RNF38: variants seen among roughly 807,000 people sequenced by gnomAD.
The protein encoded by RNF38 is E3 ubiquitin-protein ligase RNF38.
Under a neutral mutation model 67.2 loss-of-function variants are expected in RNF38, and 15 were observed. The ratio of observed to expected loss-of-function variants is 0.22; its 90% CI spans 0.15 to 0.34. The LOEUF (loss-of-function observed/expected upper bound fraction) is 0.34, where lower values mean the gene tolerates loss of function less well. Among genes scored for constraint, RNF38 ranks in the 10% least tolerant of loss-of-function variants. The probability of loss-of-function intolerance (pLI) is 1.00; values close to 1 mark genes in which losing one functional copy is unlikely to be tolerated. For synonymous variants in RNF38, 220 were observed against 218.8 expected (o/e 1.01, Z -0.05); for missense variants, 524 against 639.9 (o/e 0.82, Z 1.95).
chr9:36,380,786 C>T (rs910913246), intron 2 of RNF38, among the ~76,000 whole-genome samples: 5 of 152,168 alleles, frequency 3.3e-5, no homozygotes, highest in South Asian at 2.1e-4. Context: ...TGAGTCATTA[C>T]GCCTGGCTAA....
rs796297641 is a variant in RNF38, at chr9:36,358,362, C to T, written c.571-420G>A. 7.2e-5 allele frequency among the ~76,000 whole-genome samples: 11 copies of T among 152,232 alleles called. 1 individual carries two copies. The highest frequency in any genetic ancestry group is 2.6e-4 in the African/African-American group (11 of 41,522). ...TTTTAAAAAAATGAAATCTCATTTC[C>T]CGCCTAGCCAATCTTATTCCCATCC... is the stretch of plus-strand genomic sequence containing the variant. On this transcript the variant is annotated intron_variant, in intron 4 of 11. Transcript: ENST00000259605.
intron 4 of RNF38, among the ~76,000 whole-genome samples, chr9:36,365,598 ACT>A: frequency 6.6e-6 from 1 of 150,912 alleles, no homozygotes; most frequent in Admixed American, 6.6e-5. Context: ...TTTTCTTTAA[ACT>A]CTCTCAATAA....
chr9:36,366,113 T>C (rs1313081352), intron 4 of RNF38, among the ~76,000 whole-genome samples: 2 of 152,136 alleles, frequency 1.3e-5, no homozygotes, highest in African/African-American at 2.4e-5. Flanking sequence ...CATTAAACCA[T>C]AGCCAATCCA....
In RNF38 at chr9:36,485,009, A is replaced by G. The variant is rs1405947504; in HGVS notation, n.241+2299T>C. On this transcript the variant is annotated intron_variant and non_coding_transcript_variant, in intron 1 of 3. Transcript: ENST00000488058. ...ATGAAACCCCGTCTCTACTAAAAATACAAAAAAAAATTAGCCGGGCATGGT... is the reference window on the plus strand; with the variant it reads ...ATGAAACCCCGTCTCTACTAAAAATGCAAAAAAAAATTAGCCGGGCATGGT... Among the ~76,000 whole-genome samples, 3 of 152,086 alleles carry G rather than the reference A, an allele frequency of 2.0e-5. No individual in the cohort carries two copies. In the East Asian group the frequency reaches 5.8e-4, roughly 29 times the overall value.
intron 1 of RNF38, among the ~76,000 whole-genome samples, chr9:36,426,001 A>C (rs1043126861): frequency 6.6e-6 from 1 of 152,206 alleles, no homozygotes; most frequent in Non-Finnish European, 1.5e-5. Flanking sequence ...GGCCTCAGAC[A>C]GTACATTTTA....
At chr9:36,402,150 A>T (rs1838059623), upstream of RNF38, among the ~76,000 whole-genome samples, 3 of 152,216 alleles carry the variant, frequency 2.0e-5, no homozygotes, top group Non-Finnish European at 4.4e-5. Context: ...CAACTGCTGA[A>T]TCAAAGTTCC....
intron 9 of RNF38, among the ~76,000 whole-genome samples, chr9:36,346,947 G>A (rs909757582): frequency 2.0e-5 from 3 of 151,862 alleles, no homozygotes; most frequent in Non-Finnish European, 2.9e-5. Context: ...GTGAAACCCC[G>A]TCTCTACTAA....
At chr9:36,430,203 ATT>A (rs1288327133) in intron 1 of RNF38, among the ~76,000 whole-genome samples, 2 of 151,920 alleles carry the variant, frequency 1.3e-5, no homozygotes, top group Non-Finnish European at 2.9e-5. Context: ...GCCAAGAATT[ATT>A]ATTATTATTA....
At chr9:36,384,057 A>G (rs143021459) in intron 2 of RNF38, among the ~76,000 whole-genome samples, 99 of 152,320 alleles carry the variant, frequency 6.5e-4, no homozygotes, top group African/African-American at 2.2e-3. Flanking sequence ...GTTATATACT[A>G]TATTTTTCAC....
Position 36,400,266 on chromosome 9 carries a change from G to C in RNF38, c.-158C>G. 1 of 1,364,122 alleles carries C rather than the reference G, an allele frequency of 7.3e-7. No individual in the cohort carries two copies. Among genetic ancestry groups the C allele is most frequent in the Non-Finnish European group, 9.5e-7 (1 of 1,054,266 alleles). 84.5% of individuals were successfully genotyped at this position (1,364,122 alleles called of 1,614,324 possible). On this transcript the variant is annotated 5_prime_UTR_variant, in exon 1 of 12. Transcript: ENST00000259605. The stretch of plus-strand genomic sequence containing the variant: ...TATCCAGAAACCCACGGAAGCAGAA[G>C]GACGCCAGAGAGGACCCTTTCGACC...
intron 1 of RNF38, among the ~76,000 whole-genome samples, chr9:36,448,889 G>A (rs1390657476): frequency 2.0e-5 from 3 of 152,096 alleles, no homozygotes; most frequent in African/African-American, 7.2e-5. Flanking sequence ...AGCTACTCGG[G>A]AGGCTGAGGC....
chr9:36,403,774 T>C (rs946128671), upstream of RNF38, among the ~76,000 whole-genome samples: 4 of 152,222 alleles, frequency 2.6e-5, no homozygotes, highest in Admixed American at 6.5e-5. Context: ...CTGCATAGGA[T>C]TTTAGAACTG....
chr9:36,443,480 C>T (rs1198719516), intron 1 of RNF38, among the ~76,000 whole-genome samples: 1 of 152,156 alleles, frequency 6.6e-6, no homozygotes, highest in African/African-American at 2.4e-5. Flanking sequence ...CAAAGCAATT[C>T]TATCTTTATA....
chr9:36,401,381 C>G (rs1477689366), upstream of RNF38, among the ~76,000 whole-genome samples: 2 of 149,046 alleles, frequency 1.3e-5, no homozygotes, highest in African/African-American at 4.9e-5. Flanking sequence ...ATTGTTGCTA[C>G]TGTTCCGTGC....
rs1302125869 is a variant in RNF38, at chr9:36,338,873, T to C, written c.*879A>G. The C allele has an allele frequency of 2.6e-5, 4 of 152,594 alleles. No individual in the cohort carries two copies. Among genetic ancestry groups the C allele is most frequent in the African/African-American group, 9.7e-5 (4 of 41,418 alleles). The allele number at this position is 152,594 out of a possible 1,614,324, so 9.5% of individuals were successfully genotyped here. On this transcript the variant is annotated 3_prime_UTR_variant, in exon 12 of 12. Transcript: ENST00000259605. The stretch of plus-strand genomic sequence containing the variant: ...GCTAATATTGCTAACTGATGATATA[T>C]GATATTGCACCTTCTTTTTGGAAAC...
At chr9:36,341,793 AATATATATATATAT>A (rs1193028456) in intron 11 of RNF38, among the ~76,000 whole-genome samples, 2 of 20,944 alleles carry the variant, frequency 9.5e-5, no homozygotes, top group South Asian at 3.8e-3. Context: ...CCTGTTTCAA[AATATATATATATAT>A]ATATATATAT....
chr9:36,424,686 A>G (rs1838724023), intron 1 of RNF38: 1 of 983,362 alleles, frequency 1.0e-6, no homozygotes, highest in African/African-American at 1.7e-5. Context: ...AACACTACCT[A>G]CAAGAAAAAG....
chr9:36,477,597 G>A (rs999501373), intron 1 of RNF38, among the ~76,000 whole-genome samples: 43 of 151,728 alleles, frequency 2.8e-4, no homozygotes, highest in African/African-American at 8.9e-4. Context: ...TGAGGCAGGC[G>A]GATCACGAGG....
chr9:36,480,556 T>TC lies in RNF38; in HGVS notation n.241+6751_241+6752insG, dbSNP rs940193429. ...ACAGTTTTTTTCTTTTTCTTTTTTT[T>TC]TTTTTTTTTTTTTGAGACAGGGTCT... On this transcript the variant is annotated intron_variant and non_coding_transcript_variant, in intron 1 of 3. Coordinates refer to the RNF38 transcript ENST00000488058. Among the ~76,000 whole-genome samples the TC allele has an allele frequency of 5.0e-4, 71 of 143,138 alleles. 2 individuals carry two copies. The East Asian group carries it at 0.014, about 28-fold the overall frequency. 93.9% of individuals were successfully genotyped at this position (143,138 alleles called of 152,430 possible).
Sources: allele counts gnomAD v4.1 joint callset (sites outside exome capture counted in the v4.1 genomes callset), GRCh38; gene constraint gnomAD v4.1.1; transcripts MANE v1.5; gene names NCBI Gene and HGNC (gene_info 2026-07-23, HGNC 2026-07-21).